The following GYS1 variants were observed in gnomAD, a reference collection of about 807,000 sequenced individuals.
The protein encoded by GYS1 is glycogen [starch] synthase, muscle.
GYS1 carries 60 observed loss-of-function variants against 89.1 expected under a neutral mutation model. The observed-to-expected ratio is 0.67, with a 90% confidence interval of 0.55 to 0.84. The LOEUF (loss-of-function observed/expected upper bound fraction) is 0.84. Among genes scored for constraint, GYS1 ranks in the 40% least tolerant of loss-of-function variants. The pLI, the probability that GYS1 is intolerant of heterozygous loss-of-function variation, is 0.00. For synonymous variants in GYS1, 366 were observed against 401.7 expected, an observed-to-expected ratio of 0.91 and a Z score of 1.06; for missense variants, 888 against 1,003.1, an observed-to-expected ratio of 0.89 and a Z score of 1.55.
intron 2 of GYS1, among the ~76,000 whole-genome samples, chr19:48,989,481 G>GAAA (rs35555946): frequency 2.3e-5 from 3 of 127,866 alleles, no homozygotes; most frequent in South Asian, 2.5e-4. Flanking sequence ...GATTCTATCT[G>GAAA]AAAAAAAAAA....
Position 48,991,648 on chromosome 19 carries a change from G to A in GYS1, c.119-165C>T. On this transcript the variant is annotated intron_variant, in intron 1 of 15. Coordinates refer to ENST00000323798, the MANE Select transcript of GYS1 (RefSeq NM_002103.5). The surrounding 1 kb of genome is among the most constrained non-coding windows in gnomAD (Gnocchi z 4.7). ...GTTTGGAGTAGGGGTTGGAAGCTTG[G>A]ATGAGGGGAACACGAGGGCTGGAGG... is the stretch of plus-strand genomic sequence containing the variant. 1 of 707,504 alleles carries A rather than the reference G, an allele frequency of 1.4e-6. No individual in the cohort carries two copies. The highest frequency in any genetic ancestry group is 2.4e-6 in the Non-Finnish European group (1 of 418,690). 43.8% of individuals were successfully genotyped at this position (707,504 alleles called of 1,614,324 possible).
rs1213596695 is a variant in GYS1 at position 48,969,486 on chromosome 19, G to T, written c.2016C>A (p.Gly672=). 19 of 1,544,932 alleles carry T rather than the reference G, an allele frequency of 1.2e-5. No individual in the cohort carries two copies. The highest frequency in any genetic ancestry group is 2.7e-5 in the African/African-American group (2 of 72,974). Residue 672 remains glycine (G), a synonymous_variant, in exon 16 of 16, where the codon GGC becomes GGA. Transcript: ENST00000323798. ...DPRNGPLEED[G]ERYDEDEEAA... ...CCTCCTCGTCCTCATCGTAGCGCTC[G>T]CCGTCTTCCTCCAGCGGCCCGTTCC...
At chr19:48,992,809 C>T (rs1308509508) in intron 1 of GYS1, among the ~76,000 whole-genome samples, 186 bp downstream of exon 1, 1 of 152,120 alleles carries the variant, frequency 6.6e-6, no homozygotes, top group Non-Finnish European at 1.5e-5. Context: ...CTCCTTTCAT[C>T]TTAAGTCAAA....
chr19:48,970,483 C>A, intron 14 of GYS1, 63 bp downstream of exon 14: 1 of 1,430,858 alleles, frequency 7.0e-7, no homozygotes, highest in Non-Finnish European at 9.8e-7. Context: ...GCACCCTGCA[C>A]CAAAGACCCC....
rs1459062713 is a variant in GYS1, at chr19:48,991,123, C to T, written c.300+179G>A. On this transcript the variant is annotated intron_variant, in intron 2 of 15. Coordinates refer to ENST00000323798, the MANE Select transcript of GYS1 (RefSeq NM_002103.5). This position sits in a 1 kb window ranked among gnomAD's most constrained non-coding sequence, Gnocchi z 4.7. The stretch of plus-strand genomic sequence containing the variant: ...CTGTCCATTCGCCCATGTCTGGGAT[C>T]CACCCACCCACTTCCAGGCCCTGCA... Among the ~76,000 whole-genome samples, 1 of 152,216 alleles carries T rather than the reference C, an allele frequency of 6.6e-6. No individual in the cohort carries two copies. The highest frequency in any genetic ancestry group is 1.5e-5 in the Non-Finnish European group (1 of 68,036).
At chr19:48,987,771 G>C (rs1270748947) in intron 2 of GYS1, among the ~76,000 whole-genome samples, 1 of 151,454 alleles carries the variant, frequency 6.6e-6, no homozygotes, top group African/African-American at 2.4e-5. Context: ...CAAGTAGCTG[G>C]GATTACAGGC....
At chr19:48,986,996 A>C (rs1224080390) in intron 3 of GYS1, among the ~76,000 whole-genome samples, 198 bp downstream of exon 3, 1 of 152,326 alleles carries the variant, frequency 6.6e-6, no homozygotes, top group East Asian at 1.9e-4. Context: ...TATGCTTGGA[A>C]GACTAGAGTA....
At chr19:48,982,860 C>A in intron 5 of GYS1, 23 bp from the exon 6 acceptor site, 1 of 1,390,630 alleles carries the variant, frequency 7.2e-7, no homozygotes, top group Non-Finnish European at 1.0e-6. Context: ...GTGAGGGTCC[C>A]ATGTTTTATT....
At position 48,969,839 on chromosome 19, in the gene GYS1, C is replaced by G. The variant is rs1331490118; in HGVS notation, c.1826G>C (p.Arg609Pro). Residue 609 changes from arginine to proline, a missense_variant, in exon 15 of 16, where the codon CGC becomes CCC. Arg to Pro is a moderately radical substitution (Grantham distance 103, BLOSUM62 -2). Transcript: ENST00000323798. Reference protein sequence around the residue: ...KYLGRYYMSARHMALSKAFPE... With the variant: ...KYLGRYYMSAPHMALSKAFPE... ...AAAGGCCTTGGACAGCGCCATGTGG[C>G]GCGCAGACATATAGTACTAGGGGAA... 2 of 1,613,488 alleles carry G rather than the reference C, an allele frequency of 1.2e-6. No individual in the cohort carries two copies. Among genetic ancestry groups the G allele is most frequent in the East Asian group, 2.2e-5 (1 of 44,876 alleles).
chr19:48,992,958 C>A, intron 1 of GYS1, 37 bp downstream of exon 1: 1 of 1,208,664 alleles, frequency 8.3e-7, no homozygotes, highest in South Asian at 1.2e-5. Context: ...CCACTACTGT[C>A]CTTCTCGTCA....
intron 5 of GYS1, among the ~76,000 whole-genome samples, chr19:48,983,524 T>A (rs1345949868): frequency 2.6e-5 from 4 of 152,226 alleles, no homozygotes; most frequent in African/African-American, 9.6e-5. Flanking sequence ...GGATATATCC[T>A]CTACTTCCAA....
At chr19:48,976,505 C>T (rs186784894) in intron 10 of GYS1, among the ~76,000 whole-genome samples, 2 of 152,088 alleles carry the variant, frequency 1.3e-5, no homozygotes, top group African/African-American at 4.8e-5. Flanking sequence ...AAAGCAGCTA[C>T]AATTCCCAGG....
Position 48,978,108 on chromosome 19 carries a change from A to G in GYS1, c.1219T>C (p.Ser407Pro). 3 of 1,614,010 alleles carry G rather than the reference A, an allele frequency of 1.9e-6. No individual in the cohort carries two copies. The highest frequency in any genetic ancestry group is 2.5e-6 in the Non-Finnish European group (3 of 1,179,892). ...GGGTGGGGCACTCACACCAGTAAGG[A>G]TTCATAAAGCTTCCTCCCGAACTTT... ...KEKFGRKLYE[S>P]LLVGSLPDMN... Residue 407 changes from serine to proline, a missense_variant, in exon 9 of 16, where the codon TCC (serine) becomes CCC (proline). By Grantham distance (74) the Ser-to-Pro change is moderately conservative. Transcript: ENST00000323798.
At chr19:48,987,827 G>A (rs2122527190) in intron 2 of GYS1, among the ~76,000 whole-genome samples, 1 of 151,676 alleles carries the variant, frequency 6.6e-6, no homozygotes, top group East Asian at 1.9e-4. Context: ...TTGAGACGGA[G>A]TCTGGCTCTG....
Position 48,987,175 on chromosome 19 carries a change from T to C in GYS1, c.492+19A>G, listed in dbSNP as rs923008592. ...ATTGTAGTTTCAGGTATGGGTGGAA[T>C]GTGTCAGACGGGGCCTACCTCACCC... On this transcript the variant is annotated intron_variant, in intron 3 of 15. Transcript: ENST00000323798. 4 of 1,570,188 alleles carry C rather than the reference T, an allele frequency of 2.5e-6. No homozygotes were observed. The highest frequency in any genetic ancestry group is 3.5e-6 in the Non-Finnish European group (4 of 1,141,200).
In GYS1 at chr19:48,985,960, G is replaced by C. The variant is rs1345491779; in HGVS notation, c.568C>G (p.Leu190Val). 6.2e-7 allele frequency: 1 copy of C among 1,614,190 alleles called. No homozygotes were observed. Residue 190 changes from leucine to valine, a missense_variant, in exon 4 of 16, where the codon CTG becomes GTG. Coordinates refer to ENST00000323798, the MANE Select transcript of GYS1 (RefSeq NM_002103.5). ...HEWLAGVGLC[L>V]CRARRLPVAT... The stretch of plus-strand genomic sequence containing the variant: ...ACAGGCAGTCGCCGGGCACGACACA[G>C]GCAGAGTCCAACGCCTGCCAACCAC...
chr19:48,971,546 A>G (rs917861233), intron 12 of GYS1, among the ~76,000 whole-genome samples: 3 of 150,136 alleles, frequency 2.0e-5, no homozygotes, highest in Admixed American at 6.7e-5. Context: ...TTTTTGATGG[A>G]TTTTTATGCT....
chr19:48,989,152 A>G (rs1427499350), intron 2 of GYS1, among the ~76,000 whole-genome samples: 1 of 144,238 alleles, frequency 6.9e-6, no homozygotes, highest in East Asian at 2.0e-4. Context: ...ACAGGGTCTC[A>G]CTCCGGTCAC....
At position 48,969,296 on chromosome 19, in the gene GYS1, G is replaced by A. The variant is rs1369955206; in HGVS notation, c.2206C>T (p.Arg736Cys). Reference protein sequence around the residue: ...LSPTSSLGEERN With the variant: ...LSPTSSLGEECN ...AGTGTGGTGGGGCGGACTTAGTTAC[G>A]CTCCTCGCCCAGGGAGCTGGTGGGG... Residue 736 changes from arginine (R) to cysteine (C), a missense_variant, in exon 16 of 16, where the codon CGT (arginine) becomes TGT (cysteine). Transcript: ENST00000323798. 7.1e-6 allele frequency: 11 copies of A among 1,555,260 alleles called. No individual in the cohort carries two copies. The highest frequency in any genetic ancestry group is 9.5e-6 in the Non-Finnish European group (11 of 1,158,044).
Sources: gnomAD v4.1 joint callset for allele counts (sites outside exome capture counted in the v4.1 genomes callset) on GRCh38, gnomAD v4.1.1 for gene constraint, Gnocchi (gnomAD v3.1) non-coding constraint, MANE v1.5 for transcripts, NCBI Gene and HGNC (gene_info 2026-07-23, HGNC 2026-07-21) for gene names.